The following SYNPR variants were observed in gnomAD, a reference collection of about 807,000 sequenced individuals.
The protein encoded by SYNPR is synaptoporin.
A neutral mutation model predicts 32.9 loss-of-function variants in SYNPR; 23 were observed. That is an observed-to-expected ratio of 0.70 (90% CI 0.50 to 0.99). SYNPR has a LOEUF of 0.99. Ranked by LOEUF, SYNPR falls within the 50% of genes least tolerant of loss-of-function variation. SYNPR has a pLI of 0.00. For missense variants in SYNPR, 318 were observed against 349.3 expected (o/e 0.91, Z 0.71); for synonymous variants, 146 against 135.9 (o/e 1.07, Z -0.52).
At chr3:63,363,177 T>A (rs775762466) in intron 2 of SYNPR, among the ~76,000 whole-genome samples, 14 of 152,228 alleles carry the variant, frequency 9.2e-5, no homozygotes, top group Non-Finnish European at 1.5e-4. Context: ...GCTGTCATTT[T>A]AAAATTTTTT....
intron 3 of SYNPR, among the ~76,000 whole-genome samples, chr3:63,499,225 G>A (rs1575677178): frequency 1.3e-5 from 2 of 152,120 alleles, no homozygotes; most frequent in South Asian, 2.1e-4. Flanking sequence ...GCATATATGG[G>A]CGAGAAGGTT....
At chr3:63,257,424 A>T (rs1251659555) in intron 2 of SYNPR, among the ~76,000 whole-genome samples, 1 of 152,218 alleles carries the variant, frequency 6.6e-6, no homozygotes, top group Non-Finnish European at 1.5e-5. Context: ...CAACATTCTT[A>T]AAGAAAAGAA....
chr3:63,554,522 G>C (rs753600916), intron 3 of SYNPR, among the ~76,000 whole-genome samples: 1 of 152,106 alleles, frequency 6.6e-6, no homozygotes, highest in Non-Finnish European at 1.5e-5. Flanking sequence ...ACGGTTATAA[G>C]TGTATGGTTT....
At chr3:63,204,480 C>G in the SYNPR span, among the ~76,000 whole-genome samples, 3 of 152,298 alleles carry the variant, frequency 2.0e-5, no homozygotes, top group African/African-American at 7.2e-5. Flanking sequence ...TCAGTTCTAT[C>G]TGTAATGACA....
chr3:63,567,397 T>G (rs769869435), intron 4 of SYNPR, among the ~76,000 whole-genome samples: 4 of 152,174 alleles, frequency 2.6e-5, no homozygotes, highest in Admixed American at 1.3e-4. Context: ...GAAACTAGTC[T>G]CAGACTTTCA....
intron 2 of SYNPR, among the ~76,000 whole-genome samples, chr3:63,338,598 A>G (rs1479361331): frequency 1.3e-5 from 2 of 152,200 alleles, no homozygotes; most frequent in Admixed American, 1.3e-4. Flanking sequence ...TGTGGACCAG[A>G]TTCTAATAGA....
chr3:63,488,823 G>A (rs1008447591), intron 3 of SYNPR, among the ~76,000 whole-genome samples: 1 of 151,974 alleles, frequency 6.6e-6, no homozygotes, highest in Non-Finnish European at 1.5e-5. Flanking sequence ...AATGTCTTGG[G>A]GATCACAGAA....
intron 2 of SYNPR, among the ~76,000 whole-genome samples, chr3:63,467,221 G>A (rs1700700865): frequency 6.6e-6 from 1 of 152,184 alleles, no homozygotes; most frequent in Admixed American, 6.5e-5. Context: ...AGAGATGGGG[G>A]TCTCACTATG....
chr3:63,429,402 C>A (rs1023021000), intron 2 of SYNPR, among the ~76,000 whole-genome samples: 1 of 152,076 alleles, frequency 6.6e-6, no homozygotes, highest in Non-Finnish European at 1.5e-5. Context: ...CATGAGATAC[C>A]CAATTATTCT....
intron 2 of SYNPR, among the ~76,000 whole-genome samples, chr3:63,403,403 TACACACAC>T (rs535121207): frequency 4.7e-5 from 7 of 149,752 alleles, no homozygotes; most frequent in Non-Finnish European, 1.0e-4. Context: ...TACATATATA[TACACACAC>T]ACACACATTC....
At chr3:63,394,856 A>G (rs2088190766) in intron 2 of SYNPR, among the ~76,000 whole-genome samples, 1 of 152,220 alleles carries the variant, frequency 6.6e-6, no homozygotes, top group Non-Finnish European at 1.5e-5. Flanking sequence ...AATATTAACT[A>G]CTAAAGGAAT....
rs144346861 is a variant in SYNPR, at chr3:63,401,149, C to A, written c.85-79683C>A. Among the ~76,000 whole-genome samples the A allele has an allele frequency of 6.5e-3, 982 of 151,864 alleles. 16 individuals are homozygous for A. In the East Asian group the frequency reaches 0.069, roughly 11 times the overall value. On this transcript the variant is annotated intron_variant, in intron 2 of 5. Coordinates refer to ENST00000478300, the MANE Select transcript of SYNPR (RefSeq NM_001130003.2). ...GGTGGGAAAAGGAAAAGAGATAAAA[C>A]GATGGCATTCATGTACTCATAAAGG...
rs374291695 is a variant in SYNPR at position 63,340,488 on chromosome 3, C to T, written c.84+61746C>T. Among the ~76,000 whole-genome samples the T allele has an allele frequency of 7.8e-5, 11 of 140,542 alleles. No individual in the cohort carries two copies. The South Asian group carries it at 2.5e-3, about 32-fold the overall frequency. The allele number at this position is 140,542 out of a possible 152,430, so 92.2% of individuals were successfully genotyped here. A position where few individuals can be genotyped will look rare whatever the true frequency, so the allele number is the denominator to read the frequency against. Reference sequence around the variant, plus strand: ...AGGCTGGAGTGCAGTGGCGGGATCTCGGCTCACTGCAAGCTCCGCCTCCCG... The same window carrying T: ...AGGCTGGAGTGCAGTGGCGGGATCTTGGCTCACTGCAAGCTCCGCCTCCCG... On this transcript the variant is annotated intron_variant, in intron 2 of 5. Coordinates refer to ENST00000478300, the MANE Select transcript of SYNPR (RefSeq NM_001130003.2).
chr3:63,462,800 T>C (rs1700609955), intron 2 of SYNPR, among the ~76,000 whole-genome samples: 3 of 152,184 alleles, frequency 2.0e-5, no homozygotes, highest in Non-Finnish European at 2.9e-5. Flanking sequence ...TAATATGCAG[T>C]TACAACCAAT....
chr3:63,389,061 T>C (rs1049003920), intron 2 of SYNPR, among the ~76,000 whole-genome samples: 2 of 152,184 alleles, frequency 1.3e-5, no homozygotes, highest in Non-Finnish European at 2.9e-5. Flanking sequence ...AGAGTAAAAG[T>C]AGTGATCCGT....
chr3:63,519,738 A>G (rs1701870412), intron 3 of SYNPR, among the ~76,000 whole-genome samples: 1 of 152,226 alleles, frequency 6.6e-6, no homozygotes, highest in Admixed American at 6.5e-5. Context: ...AAGCAGTAAC[A>G]TGCTCAATTA....
At chr3:63,466,635 T>C (rs1700686936) in intron 2 of SYNPR, among the ~76,000 whole-genome samples, 1 of 148,260 alleles carries the variant, frequency 6.7e-6, no homozygotes, top group South Asian at 2.1e-4. Flanking sequence ...CTAGACTGGG[T>C]GGTTTAAAGA....
chr3:63,253,323 C>T (rs1183483674), intron 2 of SYNPR, among the ~76,000 whole-genome samples: 1 of 152,072 alleles, frequency 6.6e-6, no homozygotes, highest in Non-Finnish European at 1.5e-5. Context: ...CATGATTGTT[C>T]TCCAAGCTCT....
In SYNPR at chr3:63,267,787, T is replaced by C. The variant is rs182017232; in HGVS notation, n.287+338T>C. ...AGAATTACACATTTTAGATTCATGA[T>C]CATTTTAAATGACCGTACACCTTTT... On this transcript the variant is annotated intron_variant and non_coding_transcript_variant, in intron 3 of 4. Coordinates refer to the SYNPR transcript ENST00000478456. 1.1e-4 allele frequency among the ~76,000 whole-genome samples: 16 copies of C among 152,310 alleles called. 1 individual carries two copies. The highest frequency in any genetic ancestry group is 9.2e-4 in the Admixed American group (14 of 15,292).
Sources: allele counts gnomAD v4.1 joint callset (sites outside exome capture counted in the v4.1 genomes callset), GRCh38; gene constraint gnomAD v4.1.1; transcripts MANE v1.5; gene names NCBI Gene and HGNC (gene_info 2026-07-23, HGNC 2026-07-21).